The following SLCO1A2 variants were observed in gnomAD, a reference collection of about 807,000 sequenced individuals.
The protein encoded by SLCO1A2 is OATP-1.
A neutral mutation model predicts 69.0 loss-of-function variants in SLCO1A2; 67 were observed. That is an observed-to-expected ratio of 0.97 (90% CI 0.80 to 1.19). The LOEUF is 1.19. Among genes scored for constraint, SLCO1A2 ranks in the 50% most tolerant of loss-of-function variants. The pLI is 0.00. For synonymous variants in SLCO1A2, 260 were observed against 265.9 expected, an observed-to-expected ratio of 0.98 and a Z score of 0.22; for missense variants, 787 against 793.7, an observed-to-expected ratio of 0.99 and a Z score of 0.10.
At chr12:21,370,871 G>A (rs1488206924) in intron 2 of SLCO1A2, among the ~76,000 whole-genome samples, 1 of 152,182 alleles carries the variant, frequency 6.6e-6, no homozygotes, top group Non-Finnish European at 1.5e-5. Flanking sequence ...GAACAGGTGA[G>A]ACCCAAACTG....
intron 1 of SLCO1A2, among the ~76,000 whole-genome samples, chr12:21,394,179 A>G (rs1393942525): frequency 1.3e-5 from 2 of 152,214 alleles, no homozygotes; most frequent in Admixed American, 6.5e-5. Flanking sequence ...CAGTGCTTCA[A>G]AAGACACTGT....
At chr12:21,319,991 G>C (rs1951400068) in intron 2 of SLCO1A2, among the ~76,000 whole-genome samples, 1 of 152,168 alleles carries the variant, frequency 6.6e-6, no homozygotes, top group Non-Finnish European at 1.5e-5. Flanking sequence ...GCTTCAAAAT[G>C]AACAAATTAT....
At chr12:21,277,968 T>C (rs1282888778) in intron 12 of SLCO1A2, among the ~76,000 whole-genome samples, 1 of 152,082 alleles carries the variant, frequency 6.6e-6, no homozygotes, top group African/African-American at 2.4e-5. Context: ...CCTTGGGTCT[T>C]GGATGGCATT....
rs1376131375 is a variant in SLCO1A2, at chr12:21,265,112, A to T, written c.*4436T>A. On this transcript the variant is annotated 3_prime_UTR_variant, in exon 15 of 15. Coordinates refer to ENST00000683939, the MANE Select transcript of SLCO1A2 (RefSeq NM_001386879.1). ...TGTATTAAAATAAAACATCAATTGT[A>T]TGAGTGTAATAGACATTCTAGTTCT... The T allele has an allele frequency of 6.6e-6, 1 of 152,218 alleles. No individual in the cohort carries two copies. The highest frequency in any genetic ancestry group is 6.5e-5 in the Admixed American group (1 of 15,272). 9.4% of individuals were successfully genotyped at this position (152,218 alleles called of 1,614,324 possible). A position where few individuals can be genotyped will look rare whatever the true frequency, so the allele number is the denominator to read the frequency against.
rs1216718514 is a variant in SLCO1A2, at chr12:21,306,973, A to G, written c.351T>C (p.Ser117=). 6.2e-7 allele frequency: 1 copy of G among 1,611,098 alleles called. No individual in the cohort carries two copies. ...ACAAGTTGCCTGAAACTGAAACTGT[A>G]GATTCATATTCATATCTGTATAAAC... ...HFLMNQYEYE[S]TVSVSGNLSS... Residue 117 remains serine, a synonymous_variant, in exon 5 of 15, where the codon TCT becomes TCC. Coordinates refer to ENST00000683939, the MANE Select transcript of SLCO1A2 (RefSeq NM_001386879.1).
intron 2 of SLCO1A2, among the ~76,000 whole-genome samples, chr12:21,366,601 G>A (rs1026855633): frequency 6.6e-6 from 1 of 151,614 alleles, no homozygotes; most frequent in Non-Finnish European, 1.5e-5. Context: ...TTAACAAAAG[G>A]GATCTGAAGG....
intron 1 of SLCO1A2, among the ~76,000 whole-genome samples, chr12:21,409,527 A>T (rs1426370686): frequency 6.6e-6 from 1 of 152,134 alleles, no homozygotes; most frequent in Non-Finnish European, 1.5e-5. Context: ...GTAATATAAT[A>T]ATATTATATT....
At chr12:21,319,069 T>C (rs1951249291) in intron 2 of SLCO1A2, 146 bp from the exon 3 acceptor site, 5 of 711,990 alleles carry the variant, frequency 7.0e-6, no homozygotes, top group Non-Finnish European at 1.1e-5. Flanking sequence ...AAGTGTAGTC[T>C]GCTCCTTTTG....
chr12:21,372,025 AAG>A (rs372931856), intron 2 of SLCO1A2, among the ~76,000 whole-genome samples: 1 of 151,840 alleles, frequency 6.6e-6, no homozygotes, highest in Non-Finnish European at 1.5e-5. Flanking sequence ...AAAAAAAAGA[AAG>A]AGAGAAAGAA....
chr12:21,350,694 G>T (rs865900054), intron 2 of SLCO1A2, among the ~76,000 whole-genome samples: 1 of 151,464 alleles, frequency 6.6e-6, no homozygotes, highest in Non-Finnish European at 1.5e-5. Context: ...AAAATTAGCC[G>T]GGCGTGGTGG....
chr12:21,333,200 T>C (rs1952718612), intron 2 of SLCO1A2, among the ~76,000 whole-genome samples: 1 of 152,124 alleles, frequency 6.6e-6, no homozygotes, highest in Admixed American at 6.6e-5. Flanking sequence ...TAATTTATTC[T>C]ACTTTACATG....
upstream of SLCO1A2, chr12:21,395,453 C>G (rs1353966499): frequency 6.5e-6 from 1 of 154,818 alleles, no homozygotes; most frequent in African/African-American, 2.4e-5. Flanking sequence ...GGGAGGGGCG[C>G]CCGCCATTGC....
At position 21,265,008 on chromosome 12, in the gene SLCO1A2, AG is replaced by A. The variant is rs1327857720; in HGVS notation, c.*4539del. ...GGGCATGAAGGTGGGTCTGAGCAGG[AG>A]GACATGAGGAGAGGAGGGATGGCAG... On this transcript the variant is annotated 3_prime_UTR_variant, in exon 15 of 15. Coordinates refer to ENST00000683939, the MANE Select transcript of SLCO1A2 (RefSeq NM_001386879.1). 1 of 152,386 alleles carries A rather than the reference AG, an allele frequency of 6.6e-6. No homozygotes were observed. Among genetic ancestry groups the A allele is most frequent in the Non-Finnish European group, 1.5e-5 (1 of 68,124 alleles). The allele number at this position is 152,386 out of a possible 1,614,324, so 9.4% of individuals were successfully genotyped here.
rs1950636031 is a variant in SLCO1A2 at position 21,314,572 on chromosome 12, T to C, written c.312A>G (p.Ser104=). The change falls in exon 4 of 15, where the codon TCA becomes TCG. Residue 104 remains serine, a synonymous_variant. Transcript: ENST00000683939. ...ACTGGTTCATGAGGAAATGAGGTAG[T>C]GATTTTAAGAAACAGCCTAAGCCCA... is the stretch of plus-strand genomic sequence containing the variant. ...VVMGLGCFLK[S]LPHFLMNQYE... is the part of the protein sequence containing the mutation. The C allele has an allele frequency of 1.2e-6, 2 of 1,614,130 alleles. No homozygotes were observed. Among genetic ancestry groups the C allele is most frequent in the African/African-American group, 1.3e-5 (1 of 75,062 alleles).
chr12:21,384,886 T>C (rs1258864865), intron 1 of SLCO1A2, among the ~76,000 whole-genome samples: 3 of 151,766 alleles, frequency 2.0e-5, no homozygotes. Context: ...CAGCCTCGGC[T>C]TCCCGAGTAG....
intron 2 of SLCO1A2, among the ~76,000 whole-genome samples, chr12:21,369,197 T>G (rs1401753442): frequency 6.6e-6 from 1 of 152,230 alleles, no homozygotes; most frequent in Admixed American, 6.5e-5. Context: ...TAATACATAT[T>G]ATGAATTATA....
chr12:21,357,302 C>T (rs1303608272), intron 2 of SLCO1A2, among the ~76,000 whole-genome samples: 1 of 152,128 alleles, frequency 6.6e-6, no homozygotes, highest in African/African-American at 2.4e-5. Flanking sequence ...GAGACACACA[C>T]ACAGGGATAA....
chr12:21,305,344 G>C (rs906540194), intron 5 of SLCO1A2, among the ~76,000 whole-genome samples: 1 of 152,170 alleles, frequency 6.6e-6, no homozygotes, highest in Non-Finnish European at 1.5e-5. Context: ...AAGCTCTGTG[G>C]AGTCCCGTTT....
intron 1 of SLCO1A2, among the ~76,000 whole-genome samples, chr12:21,414,321 A>G (rs974221342): frequency 9.3e-5 from 14 of 151,214 alleles, no homozygotes; most frequent in African/African-American, 3.4e-4. Context: ...GTAAGCTCTT[A>G]AAGTTATAAG....
Sources: gnomAD v4.1 joint callset for allele counts (sites outside exome capture counted in the v4.1 genomes callset) on GRCh38, gnomAD v4.1.1 for gene constraint, MANE v1.5 for transcripts, NCBI Gene and HGNC (gene_info 2026-07-23, HGNC 2026-07-21) for gene names.